EYS: variants seen among roughly 807,000 people sequenced by gnomAD.
EYS encodes the protein EGF-like photoreceptor maintenance factor, also known as protein eyes shut homolog.
Under a neutral mutation model 282.1 loss-of-function variants are expected in EYS, and 250 were observed. The observed-to-expected ratio is 0.89, with a 90% CI of 0.80 to 0.98. The LOEUF is 0.98. EYS is among the 50% of genes least tolerant of loss of function. The pLI is 0.00. For synonymous variants in EYS, 1,355 were observed against 1,282.9 expected (o/e 1.06, Z -1.20); for missense variants, 4,016 against 3,709.0 (o/e 1.08, Z -2.15).
intron 1 of EYS, among the ~76,000 whole-genome samples, chr6:65,661,028 C>T (rs371417860): frequency 6.6e-6 from 1 of 151,808 alleles, no homozygotes; most frequent in Non-Finnish European, 1.5e-5. Flanking sequence ...AGCTTAAATG[C>T]TAAATTCTCA....
intron 22 of EYS, among the ~76,000 whole-genome samples, chr6:64,648,956 C>A (rs1184415342): frequency 6.6e-6 from 1 of 152,076 alleles, no homozygotes; most frequent in African/African-American, 2.4e-5. Flanking sequence ...CTCTGAATGT[C>A]TGCACATTTT....
At chr6:65,170,417 C>T (rs1455803030) in intron 12 of EYS, among the ~76,000 whole-genome samples, 1 of 151,436 alleles carries the variant, frequency 6.6e-6, no homozygotes, top group African/African-American at 2.4e-5. Flanking sequence ...CACAAAAAGA[C>T]GTACTAAAGT....
intron 33 of EYS, among the ~76,000 whole-genome samples, chr6:64,007,411 G>T (rs1319843547): frequency 2.6e-5 from 4 of 151,008 alleles, no homozygotes; most frequent in Non-Finnish European, 1.5e-5. Context: ...CTAGCAGTCT[G>T]TCAATCTTAT....
At chr6:64,927,273 G>T (rs1263757738) in intron 15 of EYS, among the ~76,000 whole-genome samples, 1 of 152,076 alleles carries the variant, frequency 6.6e-6, no homozygotes, top group Non-Finnish European at 1.5e-5. Context: ...TTATCATTTT[G>T]AAAGCTGATA....
At chr6:63,779,570 G>A (rs552275268) in intron 39 of EYS, among the ~76,000 whole-genome samples, 2 of 152,042 alleles carry the variant, frequency 1.3e-5, no homozygotes, top group East Asian at 3.9e-4. Flanking sequence ...TTGAAATCCT[G>A]AAATGTATTG....
intron 12 of EYS, among the ~76,000 whole-genome samples, chr6:65,263,880 C>A (rs1399374489): frequency 6.6e-6 from 1 of 151,766 alleles, no homozygotes; most frequent in Non-Finnish European, 1.5e-5. Flanking sequence ...TCACTGAACT[C>A]CAGCGTGGGC....
Position 63,864,250 on chromosome 6 carries a change from T to G in EYS, c.7164A>C (p.Pro2388=), listed in dbSNP as rs1233804845. 29 of 1,551,100 alleles carry G rather than the reference T, an allele frequency of 1.9e-5. No homozygotes were observed. The East Asian group carries it at 7.1e-4, about 38-fold the overall frequency. The part of the protein sequence containing the change: ...NPCGNGATCV[P]KSGTDIVCLC... ...GGCAGACAATATCTGTTCCGGATTT[T>G]GGAACACAGGTGGCACCATTTCCAC... Residue 2388 remains proline (P), a synonymous_variant, in exon 36 of 43, where the codon CCA becomes CCC. Coordinates refer to ENST00000503581, the MANE Select transcript of EYS (RefSeq NM_001142800.2).
chr6:64,970,797 C>T (rs2150110932), intron 14 of EYS, among the ~76,000 whole-genome samples: 1 of 152,190 alleles, frequency 6.6e-6, no homozygotes, highest in African/African-American at 2.4e-5. Flanking sequence ...AGTTAAATTG[C>T]TTGATATGTA....
intron 29 of EYS, among the ~76,000 whole-genome samples, chr6:64,310,776 G>A (rs926566190): frequency 4.8e-4 from 14 of 28,998 alleles, no homozygotes; most frequent in African/African-American, 8.5e-4. Flanking sequence ...TGAAAAAAAA[G>A]AGAGAGAGAG....
chr6:63,857,857 G>T, intron 36 of EYS: 1 of 196,760 alleles, frequency 5.1e-6, no homozygotes. Context: ...AGCAAGCATC[G>T]GGAAAATGGT....
intron 29 of EYS, among the ~76,000 whole-genome samples, chr6:64,354,222 A>C (rs1471186279): frequency 6.6e-6 from 1 of 151,642 alleles, no homozygotes. Flanking sequence ...ACAATTACAT[A>C]ATCTTTTCTG....
intron 12 of EYS, among the ~76,000 whole-genome samples, chr6:65,070,829 T>C (rs1186082119): frequency 2.0e-5 from 3 of 151,914 alleles, no homozygotes; most frequent in Non-Finnish European, 2.9e-5. Flanking sequence ...CAGTTTTCCC[T>C]ACTATTGACC....
intron 22 of EYS, among the ~76,000 whole-genome samples, chr6:64,698,381 A>G (rs1770658959): frequency 6.6e-6 from 1 of 152,114 alleles, no homozygotes; most frequent in Non-Finnish European, 1.5e-5. Context: ...TCAACAAAAT[A>G]AAAAATTGGT....
At chr6:65,419,370 T>C (rs1015511863) in intron 5 of EYS, among the ~76,000 whole-genome samples, 11 of 151,900 alleles carry the variant, frequency 7.2e-5, no homozygotes, top group African/African-American at 2.7e-4. Context: ...TCTAGTAGAA[T>C]TGCAATCTAA....
intron 12 of EYS, among the ~76,000 whole-genome samples, chr6:65,122,158 A>C (rs964730656): frequency 1.3e-5 from 2 of 152,190 alleles, no homozygotes; most frequent in Non-Finnish European, 2.9e-5. Flanking sequence ...AGAATCCCAA[A>C]AAATTGTTTT....
intron 12 of EYS, among the ~76,000 whole-genome samples, chr6:65,245,926 A>G (rs944899650): frequency 1.3e-5 from 2 of 152,056 alleles, no homozygotes; most frequent in Admixed American, 6.6e-5. Context: ...TAATTTCTGA[A>G]AAATCTACTT....
At position 65,479,583 on chromosome 6, in the gene EYS, G is replaced by A. The variant is rs1176343518; in HGVS notation, c.862+11011C>T. ...GATAAGATCTCAAGCAAATCTATGGGTAAAAGGAAGTTGCCACATGGTGCT... is the reference window on the plus strand; with the variant it reads ...GATAAGATCTCAAGCAAATCTATGGATAAAAGGAAGTTGCCACATGGTGCT... On this transcript the variant is annotated intron_variant, in intron 5 of 42. Coordinates refer to ENST00000503581, the MANE Select transcript of EYS (RefSeq NM_001142800.2). Among the ~76,000 whole-genome samples the A allele has an allele frequency of 3.9e-5, 6 of 152,216 alleles. 1 individual carries two copies. In the South Asian group the frequency reaches 8.3e-4, roughly 21 times the overall value.
intron 21 of EYS, among the ~76,000 whole-genome samples, chr6:64,819,661 T>G (rs1269294127): frequency 6.6e-6 from 1 of 151,844 alleles, no homozygotes; most frequent in African/African-American, 2.4e-5. Context: ...TATAATAATA[T>G]ATTTAAAATA....
intron 13 of EYS, among the ~76,000 whole-genome samples, chr6:65,027,488 CAT>C (rs1457724720): frequency 3.9e-5 from 6 of 152,148 alleles, no homozygotes; most frequent in East Asian, 1.9e-4. Context: ...TTTTGACAAA[CAT>C]GTGTACCATC....
Sources: gnomAD v4.1 joint callset for allele counts (sites outside exome capture counted in the v4.1 genomes callset) on GRCh38, gnomAD v4.1.1 for gene constraint, MANE v1.5 for transcripts, NCBI Gene and HGNC (gene_info 2026-07-23, HGNC 2026-07-21) for gene names.